NUCB2: variants seen among roughly 807,000 people sequenced by gnomAD.
NUCB2 encodes nucleobindin-2.
Under a neutral mutation model 57.9 loss-of-function variants are expected in NUCB2, and 48 were observed. The observed-to-expected ratio is 0.83, with a 90% confidence interval of 0.66 to 1.05. The LOEUF is 1.05. Among genes scored for constraint, NUCB2 ranks in the 50% least tolerant of loss-of-function variants. The pLI is 0.00. For synonymous variants in NUCB2, 139 were observed against 152.1 expected, an observed-to-expected ratio of 0.91 and a Z score of 0.64; for missense variants, 442 against 476.2, an observed-to-expected ratio of 0.93 and a Z score of 0.67.
rs1418289358 is a variant in NUCB2 at position 17,331,987 on chromosome 11, TTC to T, written c.*570_*571del. On this transcript the variant is annotated 3_prime_UTR_variant, in exon 14 of 14. Coordinates refer to ENST00000529010, the MANE Select transcript of NUCB2 (RefSeq NM_005013.4). ...TGCTACCACTTCAGGTCATTTTTCA[TTC>T]TTTTTTATTTTGCTCTATACTTTAT... is the stretch of plus-strand genomic sequence containing the variant. 1 of 152,248 alleles carries T rather than the reference TTC, an allele frequency of 6.6e-6. No homozygotes were observed. Among genetic ancestry groups the T allele is most frequent in the Non-Finnish European group, 1.5e-5 (1 of 68,048 alleles). The allele number at this position is 152,248 out of a possible 1,614,324, so 9.4% of individuals were successfully genotyped here.
chr11:17,297,214 T>C (rs367547461), intron 4 of NUCB2, among the ~76,000 whole-genome samples: 21 of 152,216 alleles, frequency 1.4e-4, no homozygotes, highest in African/African-American at 4.3e-4. Context: ...CCTTTATTTA[T>C]TTAAGTTTTA....
chr11:17,279,160 C>G (rs1477020104), intron 1 of NUCB2, among the ~76,000 whole-genome samples: 12 of 152,256 alleles, frequency 7.9e-5, no homozygotes, highest in East Asian at 5.8e-4. Context: ...CTATTGCACT[C>G]CAGCCTGGGC....
At chr11:17,294,702 G>T (rs1205677939) in intron 2 of NUCB2, among the ~76,000 whole-genome samples, 1 of 108,806 alleles carries the variant, frequency 9.2e-6, no homozygotes, top group Non-Finnish European at 1.9e-5. Flanking sequence ...AAAAAAAAAA[G>T]CCATGGCTAG....
chr11:17,337,041 A>G (rs1951876765), downstream of NUCB2, among the ~76,000 whole-genome samples: 1 of 152,030 alleles, frequency 6.6e-6, no homozygotes, highest in African/African-American at 2.4e-5. Flanking sequence ...TCTGGGCTCA[A>G]GCAATCCTCC....
At position 17,287,810 on chromosome 11, in the gene NUCB2, G is replaced by A. The variant is rs557682997; in HGVS notation, c.-1+4867G>A. Among the ~76,000 whole-genome samples, 8 of 152,152 alleles carry A rather than the reference G, an allele frequency of 5.3e-5. No homozygotes were observed. The South Asian group carries it at 1.7e-3, about 32-fold the overall frequency. The stretch of plus-strand genomic sequence containing the variant: ...AGGTCAGGAGTTTGAGACCACCTTG[G>A]CCAACATGGTGAAACCCAATCTCTA... On this transcript the variant is annotated intron_variant, in intron 2 of 13. Coordinates refer to ENST00000529010, the MANE Select transcript of NUCB2 (RefSeq NM_005013.4).
downstream of NUCB2, among the ~76,000 whole-genome samples, chr11:17,336,329 T>C (rs1337433963): frequency 6.6e-6 from 1 of 152,174 alleles, no homozygotes; most frequent in East Asian, 1.9e-4. Context: ...TTGAGCATCA[T>C]GTTGGCACTC....
In NUCB2 at chr11:17,330,748, C is replaced by T. The variant is rs112679393; in HGVS notation, c.1174-154C>T. On this transcript the variant is annotated intron_variant, in intron 12 of 13. Coordinates refer to ENST00000529010, the MANE Select transcript of NUCB2 (RefSeq NM_005013.4). The surrounding 1 kb of genome is among the most constrained non-coding windows in gnomAD (Gnocchi z 4.3). ...CCTCTGAAATTGTTGGGACTATAGG[C>T]GTGAGCCACTGCACCTAGTCAAATC... Among the ~76,000 whole-genome samples, 938 of 152,310 alleles carry T rather than the reference C, an allele frequency of 6.2e-3. 8 individuals carry two copies. The highest frequency in any genetic ancestry group is 0.02 in the African/African-American group (846 of 41,578).
intron 5 of NUCB2, among the ~76,000 whole-genome samples, chr11:17,303,293 A>G (rs183895769): frequency 1.1e-4 from 16 of 152,344 alleles, no homozygotes; most frequent in African/African-American, 3.8e-4. Context: ...CATTCTTGCC[A>G]TATATTGATG....
chr11:17,325,939 A>G (rs1247414360), intron 11 of NUCB2, among the ~76,000 whole-genome samples: 5 of 152,308 alleles, frequency 3.3e-5, no homozygotes, highest in Non-Finnish European at 7.3e-5. Context: ...ACATGCAAAA[A>G]GAAAATAAAT....
chr11:17,307,536 C>G (rs1299996461), intron 5 of NUCB2, among the ~76,000 whole-genome samples: 1 of 152,146 alleles, frequency 6.6e-6, no homozygotes, highest in Non-Finnish European at 1.5e-5. Context: ...AAAGGAAATA[C>G]ACATTTTTGT....
chr11:17,338,749 C>T (rs867397408), intron 2 of NUCB2, among the ~76,000 whole-genome samples: 32 of 150,522 alleles, frequency 2.1e-4, no homozygotes, highest in Admixed American at 1.8e-3. Flanking sequence ...CTGTAACCTC[C>T]GCCTCCCAGG....
At chr11:17,289,521 A>G (rs1305135015) in intron 2 of NUCB2, among the ~76,000 whole-genome samples, 1 of 152,166 alleles carries the variant, frequency 6.6e-6, no homozygotes, top group East Asian at 1.9e-4. Context: ...ATGTATCAAG[A>G]ACTAAACTAA....
chr11:17,302,114 C>A (rs1365924628), intron 5 of NUCB2, among the ~76,000 whole-genome samples: 1 of 152,018 alleles, frequency 6.6e-6, no homozygotes, highest in Non-Finnish European at 1.5e-5. Context: ...CCAAGCTGGT[C>A]TTGAACTCCT....
At position 17,309,641 on chromosome 11, in the gene NUCB2, T is replaced by C; in HGVS notation, c.449T>C (p.Phe150Ser). The C allele has an allele frequency of 6.2e-7, 1 of 1,607,332 alleles. No homozygotes were observed. Among genetic ancestry groups the C allele is most frequent in the Non-Finnish European group, 8.5e-7 (1 of 1,177,640 alleles). Residue 150 changes from phenylalanine (F) to serine (S), a missense_variant, in exon 6 of 14, where the codon TTT (phenylalanine) becomes TCT (serine). Phe to Ser is a radical substitution (Grantham distance 155). Coordinates refer to ENST00000529010, the MANE Select transcript of NUCB2 (RefSeq NM_005013.4). ...CTAAACCACCTGAATCCTGACAAGT[T>C]TGAATCCACAGATTTAGATATGCTA... ...DHLNHLNPDK[F>S]ESTDLDMLIK...
At chr11:17,340,323 T>A (rs1484968328) in intron 2 of NUCB2, among the ~76,000 whole-genome samples, 1 of 152,196 alleles carries the variant, frequency 6.6e-6, no homozygotes, top group Non-Finnish European at 1.5e-5. Flanking sequence ...GATGGTAGTT[T>A]CTTTTGCTGT....
intron 3 of NUCB2, chr11:17,295,685 C>A: frequency 2.0e-6 from 1 of 499,490 alleles, no homozygotes. Context: ...TGCTGTTTAC[C>A]ATTACACAAT....
intron 2 of NUCB2, among the ~76,000 whole-genome samples, chr11:17,345,223 CT>C (rs907171655): frequency 6.6e-6 from 1 of 151,392 alleles, no homozygotes; most frequent in Admixed American, 6.6e-5. Context: ...TCCATTATTG[CT>C]TTTTTTTAAA....
At chr11:17,327,654 C>T (rs1950863256) in intron 11 of NUCB2, among the ~76,000 whole-genome samples, 2 of 152,222 alleles carry the variant, frequency 1.3e-5, no homozygotes, top group East Asian at 1.9e-4. Context: ...TTTCAAATAG[C>T]CTGTCTTCAA....
At chr11:17,287,672 CAA>C (rs1158145912) in intron 2 of NUCB2, among the ~76,000 whole-genome samples, 64 of 65,376 alleles carry the variant, frequency 9.8e-4, no homozygotes, top group African/African-American at 1.7e-3. Flanking sequence ...AACTCCACCT[CAA>C]AAAAAAAAAA....
Sources: allele counts gnomAD v4.1 joint callset (sites outside exome capture counted in the v4.1 genomes callset), GRCh38; gene constraint gnomAD v4.1.1; non-coding constraint Gnocchi (gnomAD v3.1); transcripts MANE v1.5; gene names NCBI Gene and HGNC (gene_info 2026-07-23, HGNC 2026-07-21).